Variants in TCF3 observed in about 807,000 individuals in gnomAD.
The protein encoded by TCF3 is transcription factor 3, also known as transcription factor E2-alpha.
A neutral mutation model predicts 72.3 loss-of-function variants in TCF3; 54 were observed. That is an observed-to-expected ratio of 0.75 (90% CI 0.60 to 0.94). TCF3 has a LOEUF of 0.94. TCF3 is among the 40% of genes least tolerant of loss of function. The pLI is 0.00. For missense variants in TCF3, 1,078 were observed against 934.4 expected (o/e 1.15, Z -2.00); for synonymous variants, 525 against 412.6 (o/e 1.27, Z -3.30).
chr19:1,648,210 A>G (rs1268995653), intron 2 of TCF3, among the ~76,000 whole-genome samples: 2 of 152,204 alleles, frequency 1.3e-5, no homozygotes, highest in South Asian at 2.1e-4. Context: ...CCAGGGAAGT[A>G]AGTGCTTCCC....
intron 6 of TCF3, among the ~76,000 whole-genome samples, chr19:1,626,727 C>T (rs370345385): frequency 6.6e-6 from 1 of 152,182 alleles, no homozygotes; most frequent in Admixed American, 6.5e-5. Flanking sequence ...TAGGGAAACG[C>T]GCATCTGCCC....
Position 1,629,116 on chromosome 19 carries a change from G to A in TCF3, c.299-1690C>T, listed in dbSNP as rs1299303121. On this transcript the variant is annotated intron_variant, in intron 5 of 18. Transcript: ENST00000262965. ...GACAGCAGAGCTCACGGGGTGAGGC[G>A]GGAAGGGGACAGCAGAGCTCACAGT... Among the ~76,000 whole-genome samples the A allele has an allele frequency of 4.0e-5, 6 of 151,008 alleles. 1 individual carries two copies. The highest frequency in any genetic ancestry group is 7.3e-5 in the African/African-American group (3 of 40,948).
intron 3 of TCF3, among the ~76,000 whole-genome samples, chr19:1,642,216 G>A (rs76721733): frequency 0.01 from 1,548 of 149,324 alleles, 28 homozygotes; most frequent in African/African-American, 0.036. Flanking sequence ...GCACACACGC[G>A]CAGACGCACA....
intron 6 of TCF3, among the ~76,000 whole-genome samples, chr19:1,626,887 A>C (rs905498566): frequency 6.6e-6 from 1 of 151,268 alleles, no homozygotes; most frequent in Non-Finnish European, 1.5e-5. Flanking sequence ...ACAGAGATGA[A>C]GTCCTGGGGT....
At chr19:1,621,389 G>A (rs1344656988) in intron 11 of TCF3, among the ~76,000 whole-genome samples, 198 bp from the exon 12 acceptor site, 3 of 152,260 alleles carry the variant, frequency 2.0e-5, no homozygotes, top group African/African-American at 7.2e-5. Context: ...ACTGGCAGGG[G>A]ACCCTGGGTG....
At chr19:1,646,245 C>T in intron 3 of TCF3, 110 bp downstream of exon 3, 2 of 1,204,808 alleles carry the variant, frequency 1.7e-6, no homozygotes, top group Non-Finnish European at 2.3e-6. Flanking sequence ...GTGGCCCTTT[C>T]CCCATTGTCT....
chr19:1,627,531 C>T (rs1034453950), intron 5 of TCF3, 105 bp from the exon 6 acceptor site: 41 of 979,216 alleles, frequency 4.2e-5, no homozygotes, highest in African/African-American at 8.0e-5. Flanking sequence ...TAAGTGCACA[C>T]GACTGAGAGC....
rs1255948015 is a variant in TCF3 at position 1,615,906 on chromosome 19, G to A, written c.1451-85C>T. 4.2e-6 allele frequency: 6 copies of A among 1,442,014 alleles called. No homozygotes were observed. In the African/African-American group the frequency reaches 7.1e-5, roughly 17 times the overall value. 89.3% of individuals were successfully genotyped at this position (1,442,014 alleles called of 1,614,324 possible). A position where few individuals can be genotyped will look rare whatever the true frequency, so the allele number is the denominator to read the frequency against. ...TTTGTGCTCCTGTGGTGAGGGACTT[G>A]GGCTTTCCTGGAAAAACCAGGTCTT... is the stretch of plus-strand genomic sequence containing the variant. On this transcript the variant is annotated intron_variant, in intron 16 of 18. Transcript: ENST00000262965. This position sits in a 1 kb window ranked among gnomAD's most constrained non-coding sequence, Gnocchi z 7.3.
intron 3 of TCF3, among the ~76,000 whole-genome samples, chr19:1,645,684 C>T (rs925086847): frequency 6.6e-6 from 1 of 152,184 alleles, no homozygotes; most frequent in Non-Finnish European, 1.5e-5. Flanking sequence ...TGCCCATGCT[C>T]CAGAGTGTGA....
At chr19:1,648,731 C>T (rs1171810490) in intron 2 of TCF3, among the ~76,000 whole-genome samples, 2 of 151,980 alleles carry the variant, frequency 1.3e-5, no homozygotes, top group African/African-American at 4.8e-5. Flanking sequence ...ACCTCAGTGG[C>T]CTGTGCCTCA....
Position 1,615,699 on chromosome 19 carries a change from G to C in TCF3, c.1573C>G (p.Arg525Gly), listed in dbSNP as rs145878545. 5.0e-6 allele frequency: 8 copies of C among 1,612,908 alleles called. No homozygotes were observed. The highest frequency in any genetic ancestry group is 4.4e-5 in the South Asian group (4 of 91,008). The stretch of plus-strand genomic sequence containing the variant: ...GTGGGTTGGCACCTGGTCCGGGCCC[G>C]GGGGGCCTTCAGCTCCTTCTTCTCC... ...EEEKKELKAP[R>G]ARTSPDEDED... The change falls in exon 17 of 19, where the codon CGG becomes GGG. Residue 525 changes from arginine to glycine, a missense_variant. By Grantham distance (125) the Arg-to-Gly change is moderately radical (BLOSUM62 -2). Coordinates refer to ENST00000262965, the MANE Select transcript of TCF3 (RefSeq NM_003200.5). This position sits in a 1 kb window ranked among gnomAD's most constrained non-coding sequence, Gnocchi z 7.3.
intron 1 of TCF3, among the ~76,000 whole-genome samples, chr19:1,652,076 G>A (rs1330672490): frequency 6.7e-6 from 1 of 150,136 alleles, no homozygotes. Flanking sequence ...CGACGGGGGC[G>A]ACGCGGGCCT....
At chr19:1,640,419 AG>A (rs1185435621) in intron 3 of TCF3, among the ~76,000 whole-genome samples, 1 of 152,070 alleles carries the variant, frequency 6.6e-6, no homozygotes, top group Non-Finnish European at 1.5e-5. Flanking sequence ...TCTAAGTTTC[AG>A]CTTCTTTACC....
intron 8 of TCF3, 109 bp from the exon 9 acceptor site, chr19:1,622,524 T>C (rs778184311): frequency 2.0e-5 from 12 of 599,428 alleles, no homozygotes; most frequent in Non-Finnish European, 3.0e-5. Flanking sequence ...TACCACCCCG[T>C]TTCCCTTCCC....
At chr19:1,651,857 C>G (rs1249568985) in intron 1 of TCF3, among the ~76,000 whole-genome samples, 1 of 150,122 alleles carries the variant, frequency 6.7e-6, no homozygotes, top group Non-Finnish European at 1.5e-5. Context: ...ACCTTCCCCG[C>G]GCAGACAAAA....
chr19:1,641,923 T>G (rs72620505), intron 3 of TCF3, among the ~76,000 whole-genome samples: 7,624 of 151,822 alleles, frequency 0.05, 599 homozygotes, highest in East Asian at 0.41. Flanking sequence ...TTTAATTAGG[T>G]GGTCGCAGCT....
intron 3 of TCF3, among the ~76,000 whole-genome samples, chr19:1,643,435 G>C (rs530527135): frequency 6.6e-6 from 1 of 152,312 alleles, no homozygotes; most frequent in Admixed American, 6.5e-5. Flanking sequence ...TACCCAGGCT[G>C]GTCTCTAACT....
Position 1,611,243 on chromosome 19 carries a change from A to AT in TCF3, c.*463dup. On this transcript the variant is annotated 3_prime_UTR_variant, in exon 19 of 19. Transcript: ENST00000262965. ...ACAATTTGCTGGTGGCTTTAGAAGA[A>AT]TAAGCCAGGTTTCCACAGCATCCCC... 1 of 300,834 alleles carries AT rather than the reference A, an allele frequency of 3.3e-6. No homozygotes were observed. The highest frequency in any genetic ancestry group is 2.1e-5 in the African/African-American group (1 of 47,250). The allele number at this position is 300,834 out of a possible 1,614,324, so 18.6% of individuals were successfully genotyped here. A position where few individuals can be genotyped will look rare whatever the true frequency, so the allele number is the denominator to read the frequency against.
intron 5 of TCF3, among the ~76,000 whole-genome samples, chr19:1,629,692 C>T (rs1275642090): frequency 2.6e-5 from 4 of 152,206 alleles, no homozygotes; most frequent in Admixed American, 2.0e-4. Flanking sequence ...CTTAAATCCC[C>T]TTCTGGCTGA....
Sources: allele counts gnomAD v4.1 joint callset (sites outside exome capture counted in the v4.1 genomes callset), GRCh38; gene constraint gnomAD v4.1.1; non-coding constraint Gnocchi (gnomAD v3.1); transcripts MANE v1.5; gene names NCBI Gene and HGNC (gene_info 2026-07-23, HGNC 2026-07-21).